DENND1A: variants seen among roughly 807,000 people sequenced by gnomAD.
DENND1A encodes the protein DENN domain containing 1A.
DENND1A carries 51 observed loss-of-function variants against 113.7 expected under a neutral mutation model. The ratio of observed to expected loss-of-function variants is 0.45; its 90% CI spans 0.36 to 0.57. DENND1A has a LOEUF of 0.57. Ranked by LOEUF, DENND1A falls within the 20% of genes least tolerant of loss-of-function variation. DENND1A has a pLI of 0.00. For synonymous variants in DENND1A, 565 were observed against 570.8 expected (o/e 0.99, Z 0.14); for missense variants, 1,258 against 1,395.9 (o/e 0.90, Z 1.57).
intron 11 of DENND1A, among the ~76,000 whole-genome samples, chr9:123,591,821 A>G (rs1268041774): frequency 1.3e-5 from 2 of 152,242 alleles, no homozygotes; most frequent in African/African-American, 4.8e-5. Flanking sequence ...AAGGAAGTGC[A>G]ATGGGAATAA....
chr9:123,395,978 G>A (rs1027593254), intron 21 of DENND1A, among the ~76,000 whole-genome samples: 2 of 149,928 alleles, frequency 1.3e-5, no homozygotes, highest in African/African-American at 4.9e-5. Flanking sequence ...TGGTGTGCCT[G>A]GTGTGTGTGT....
chr9:123,845,294 C>T (rs1345774905), intron 2 of DENND1A, among the ~76,000 whole-genome samples: 1 of 151,968 alleles, frequency 6.6e-6, no homozygotes, highest in African/African-American at 2.4e-5. Flanking sequence ...ACAGAAGGTG[C>T]AGGGGCAATT....
chr9:123,635,048 G>A (rs1056413255), intron 9 of DENND1A, among the ~76,000 whole-genome samples: 3 of 152,214 alleles, frequency 2.0e-5, no homozygotes, highest in African/African-American at 7.2e-5. Flanking sequence ...CATGAACGGA[G>A]AGTGATCAAT....
At chr9:123,691,854 GCT>G (rs1348790817) in intron 5 of DENND1A, among the ~76,000 whole-genome samples, 1 of 152,128 alleles carries the variant, frequency 6.6e-6, no homozygotes, top group Non-Finnish European at 1.5e-5. Context: ...CTCCGTCAGT[GCT>G]CTTTTACTTA....
chr9:123,391,796 T>G (rs1003372370), intron 21 of DENND1A, among the ~76,000 whole-genome samples: 1 of 142,142 alleles, frequency 7.0e-6, no homozygotes, highest in Non-Finnish European at 1.5e-5. Flanking sequence ...TTTTCCCTCA[T>G]TAACCCAATT....
intron 13 of DENND1A, among the ~76,000 whole-genome samples, chr9:123,535,735 A>AG (rs1403227858): frequency 2.6e-5 from 4 of 152,234 alleles, no homozygotes; most frequent in Non-Finnish European, 4.4e-5. Context: ...GAACAGTACC[A>AG]GAAAAACACC....
intron 16 of DENND1A, among the ~76,000 whole-genome samples, chr9:123,452,746 G>C (rs1447821995): frequency 6.6e-6 from 1 of 152,090 alleles, no homozygotes; most frequent in African/African-American, 2.4e-5. Flanking sequence ...AATAACCGTG[G>C]ACTCCATAGC....
chr9:123,897,925 G>A (rs1173038570), intron 1 of DENND1A, among the ~76,000 whole-genome samples: 1 of 147,266 alleles, frequency 6.8e-6, no homozygotes, highest in Non-Finnish European at 1.5e-5. Context: ...GGGCAACAGA[G>A]TAGGACCCTG....
intron 18 of DENND1A, among the ~76,000 whole-genome samples, chr9:123,448,514 C>T (rs1161872214): frequency 7.2e-5 from 11 of 152,140 alleles, no homozygotes. Flanking sequence ...GCCTACGATC[C>T]AGGCATCAAG....
chr9:123,696,970 C>T (rs987510759), intron 5 of DENND1A, among the ~76,000 whole-genome samples: 1 of 152,186 alleles, frequency 6.6e-6, no homozygotes, highest in Admixed American at 6.5e-5. Flanking sequence ...TGCTACGTAT[C>T]AGCCACATCT....
At chr9:123,453,000 G>A (rs982240070) in intron 16 of DENND1A, among the ~76,000 whole-genome samples, 6 of 152,204 alleles carry the variant, frequency 3.9e-5, no homozygotes, top group African/African-American at 1.2e-4. Flanking sequence ...TTCTTTAGGA[G>A]CAAAAGTGGG....
chr9:123,642,860 C>G (rs777399243), intron 9 of DENND1A, among the ~76,000 whole-genome samples: 7 of 152,234 alleles, frequency 4.6e-5, no homozygotes, highest in Non-Finnish European at 7.3e-5. Context: ...GAAAGCTTTG[C>G]ACACATCATT....
chr9:123,709,292 C>A (rs760949151), intron 5 of DENND1A, among the ~76,000 whole-genome samples: 22 of 152,176 alleles, frequency 1.4e-4, no homozygotes, highest in Non-Finnish European at 2.4e-4. Flanking sequence ...AGCACCAGTG[C>A]CCCAGTTTCT....
At chr9:123,446,033 T>C (rs6478615) in intron 18 of DENND1A, among the ~76,000 whole-genome samples, 148,152 of 152,310 alleles carry the variant, frequency 0.97, 72,149 homozygotes, top group Non-Finnish European at 1. Flanking sequence ...AGTGAGGTCT[T>C]GTAACTTATC....
At chr9:123,780,084 C>T (rs576888863) in intron 3 of DENND1A, among the ~76,000 whole-genome samples, 3 of 152,276 alleles carry the variant, frequency 2.0e-5, no homozygotes, top group Admixed American at 1.3e-4. Flanking sequence ...GAACTCCTGA[C>T]GTCAAGTGAT....
intron 9 of DENND1A, among the ~76,000 whole-genome samples, chr9:123,640,374 G>A (rs998755415): frequency 6.6e-6 from 1 of 152,166 alleles, no homozygotes; most frequent in African/African-American, 2.4e-5. Flanking sequence ...CCAGTCAGGG[G>A]GTAAGGGTGG....
chr9:123,547,595 C>T (rs1453217586), intron 13 of DENND1A, among the ~76,000 whole-genome samples: 1 of 152,086 alleles, frequency 6.6e-6, no homozygotes, highest in East Asian at 1.9e-4. Context: ...TGGTACCTTC[C>T]ACCCCTATTT....
In DENND1A at chr9:123,413,364, A is replaced by G. The variant is rs2044463973; in HGVS notation, c.1489-1535T>C. The G allele has an allele frequency of 6.3e-6, 6 of 947,016 alleles. No homozygotes were observed. In the South Asian group the frequency reaches 2.9e-4, roughly 46 times the overall value. The allele number at this position is 947,016 out of a possible 1,614,324, so 58.7% of individuals were successfully genotyped here. A position where few individuals can be genotyped will look rare whatever the true frequency, so the allele number is the denominator to read the frequency against. On this transcript the variant is annotated intron_variant, in intron 19 of 23. Coordinates refer to ENST00000394215, the MANE Select transcript of DENND1A (RefSeq NM_001352964.2). ...TTTCACCTGTTTATGTTTCACATTC[A>G]GAATTCCACATGTGACTCCCGTATG... is the stretch of plus-strand genomic sequence containing the variant.
At chr9:123,484,182 A>G (rs1204568184) in intron 13 of DENND1A, among the ~76,000 whole-genome samples, 1 of 152,174 alleles carries the variant, frequency 6.6e-6, no homozygotes, top group African/African-American at 2.4e-5. Context: ...TAAGCCATTT[A>G]GTATATTATC....
Sources: gnomAD v4.1 joint callset for allele counts (sites outside exome capture counted in the v4.1 genomes callset) on GRCh38, gnomAD v4.1.1 for gene constraint, MANE v1.5 for transcripts, NCBI Gene and HGNC (gene_info 2026-07-23, HGNC 2026-07-21) for gene names.